TMEM256: variants seen among roughly 807,000 people sequenced by gnomAD.
TMEM256 encodes the protein transmembrane protein 256, also known as UPF0451 protein C17orf61.
A neutral mutation model predicts 14.8 loss-of-function variants in TMEM256; 14 were observed. The ratio of observed to expected loss-of-function variants is 0.95; its 90% CI spans 0.63 to 1.48. TMEM256 has a LOEUF of 1.48. Among genes scored for constraint, TMEM256 ranks in the 40% most tolerant of loss-of-function variants. The probability of loss-of-function intolerance (pLI) is 0.00; values close to 1 mark genes in which losing one functional copy is unlikely to be tolerated. For synonymous variants in TMEM256, 68 were observed against 60.7 expected (o/e 1.12, Z -0.56); for missense variants, 146 against 137.9 (o/e 1.06, Z -0.30).
In TMEM256 at chr17:7,403,201, T is replaced by C; in HGVS notation, c.207A>G (p.Leu69=). ...ATAAGGTCGTTCCGGAAGCTAGCAA[T>C]AACCCAGCCTGAAGGAGACACAGCA... is the stretch of plus-strand genomic sequence containing the variant. The part of the protein sequence containing the change: ...PHCRKPLWAG[L]LLASGTTLFC... The change falls in exon 4 of 4, where the codon TTA becomes TTG. Residue 69 remains leucine, a synonymous_variant. Transcript: ENST00000302422. 6.2e-7 allele frequency: 1 copy of C among 1,614,084 alleles called. No homozygotes were observed. Among genetic ancestry groups the C allele is most frequent in the Non-Finnish European group, 8.5e-7 (1 of 1,180,020 alleles).
Position 7,403,977 on chromosome 17 carries a change from A to G in TMEM256, c.85+23T>C, listed in dbSNP as rs764423885. 4.5e-6 allele frequency: 7 copies of G among 1,558,328 alleles called. No homozygotes were observed. In the Admixed American group the frequency reaches 1.3e-4, roughly 29 times the overall value. On this transcript the variant is annotated intron_variant, in intron 1 of 3. Coordinates refer to ENST00000302422, the MANE Select transcript of TMEM256 (RefSeq NM_152766.5). ...CAGAGGACGCCCCAAGTACAGTCCC[A>G]TCTTCGTCCCCAGCCCCCTGACCGT...
chr17:7,403,849 A>G (rs1016336822), intron 1 of TMEM256, 151 bp downstream of exon 1: 7 of 1,146,032 alleles, frequency 6.1e-6, no homozygotes, highest in South Asian at 1.5e-5. Flanking sequence ...CTGGGAACCA[A>G]TTGGACCCAG....
chr17:7,404,014 G>A lies in TMEM256; in HGVS notation c.71C>T (p.Ser24Phe), dbSNP rs1379030464. The A allele has an allele frequency of 1.3e-6, 2 of 1,599,848 alleles. No individual in the cohort carries two copies. The highest frequency in any genetic ancestry group is 8.5e-7 in the Non-Finnish European group (1 of 1,173,166). ...LSGAAALGFA[S>F]YGAHGAQFPD... ...AGCCCCCTGACCGTGCGCCCCGTAG[G>A]AAGCGAAGCCTAAGGCCGCAGCTCC... The change falls in exon 1 of 4, where the codon TCC becomes TTC. Residue 24 changes from serine to phenylalanine, a missense_variant. Coordinates refer to ENST00000302422, the MANE Select transcript of TMEM256 (RefSeq NM_152766.5).
In TMEM256 at chr17:7,403,864, G is replaced by A. The variant is rs914180580; in HGVS notation, c.85+136C>T. 2.0e-5 allele frequency: 26 copies of A among 1,304,306 alleles called. No individual in the cohort carries two copies. In the African/African-American group the frequency reaches 2.4e-4, roughly 12 times the overall value. 80.8% of individuals were successfully genotyped at this position (1,304,306 alleles called of 1,614,324 possible). Reference sequence around the variant, plus strand: ...CTGGGAACCAATTGGACCCAGCTGGGGGACTTTAAAAGGTTTAGGGCTCCG... The same window carrying A: ...CTGGGAACCAATTGGACCCAGCTGGAGGACTTTAAAAGGTTTAGGGCTCCG... On this transcript the variant is annotated intron_variant, in intron 1 of 3. Transcript: ENST00000302422.
chr17:7,403,204 C>T lies in TMEM256; in HGVS notation c.204G>A (p.Gly68=), dbSNP rs193299505. The stretch of plus-strand genomic sequence containing the variant: ...AGGTCGTTCCGGAAGCTAGCAATAA[C>T]CCAGCCTGAAGGAGACACAGCACAG... ...VPHCRKPLWA[G]LLLASGTTLF... The change falls in exon 4 of 4, where the codon GGG becomes GGA. Residue 68 remains glycine, a synonymous_variant. Coordinates refer to ENST00000302422, the MANE Select transcript of TMEM256 (RefSeq NM_152766.5). 2 of 1,614,024 alleles carry T rather than the reference C, an allele frequency of 1.2e-6. No individual in the cohort carries two copies. Among genetic ancestry groups the T allele is most frequent in the African/African-American group, 2.7e-5 (2 of 74,910 alleles).
rs1555547299 is a variant in TMEM256, at chr17:7,403,791, C to CCT, written c.86-103_86-102insAG. The CCT allele has an allele frequency of 3.9e-4, 403 of 1,045,728 alleles. 7 individuals carry two copies. Among genetic ancestry groups the CCT allele is most frequent in the Non-Finnish European group, 5.2e-4 (391 of 756,468 alleles). The allele number at this position is 1,045,728 out of a possible 1,614,324, so 64.8% of individuals were successfully genotyped here. ...ACATTGGCGAGAAAGGGCACCCCCC[C>CCT]CCCCGCCCCAGGAAGCTTCCGATTG... On this transcript the variant is annotated intron_variant, in intron 1 of 3. Transcript: ENST00000302422.
chr17:7,403,076 A>T lies in TMEM256; in HGVS notation c.332T>A (p.Leu111Ter). ...GTLLLLGWLA[L>*]AL ...TAAGCAAAAGGGAGCTCAAAGAGCCAAGGCAAGCCAGCCCAAGAGTAGCAG... is the reference window on the plus strand; with the variant it reads ...TAAGCAAAAGGGAGCTCAAAGAGCCTAGGCAAGCCAGCCCAAGAGTAGCAG... The change falls in exon 4 of 4, where the codon TTG becomes TAG. Residue 111 changes from leucine (L) to a stop codon, truncating the protein, a stop_gained. Coordinates refer to ENST00000302422, the MANE Select transcript of TMEM256 (RefSeq NM_152766.5). LOFTEE classifies it high-confidence loss of function. The T allele has an allele frequency of 6.2e-7, 1 of 1,606,968 alleles. No homozygotes were observed. The highest frequency in any genetic ancestry group is 1.7e-4 in the Middle Eastern group (1 of 5,768).
chr17:7,403,733 C>T, intron 1 of TMEM256, 44 bp from the exon 2 acceptor site: 3 of 1,611,034 alleles, frequency 1.9e-6, no homozygotes, highest in African/African-American at 1.3e-5. Flanking sequence ...AGTGCCAGCC[C>T]TGACCGCCCC....
At position 7,403,071 on chromosome 17, in the gene TMEM256, G is replaced by T; in HGVS notation, c.337C>A (p.Leu113Ile). Residue 113 changes from leucine (L) to isoleucine (I), a missense_variant, in exon 4 of 4, where the codon CTT becomes ATT. By Grantham distance (5) the Leu-to-Ile change is conservative (BLOSUM62 2). Coordinates refer to ENST00000302422, the MANE Select transcript of TMEM256 (RefSeq NM_152766.5). ...LLLLGWLALAL is the reference protein window; with the variant it reads ...LLLLGWLALAI ...GTAATTAAGCAAAAGGGAGCTCAAA[G>T]AGCCAAGGCAAGCCAGCCCAAGAGT... The T allele has an allele frequency of 6.2e-7, 1 of 1,603,860 alleles. No homozygotes were observed. Among genetic ancestry groups the T allele is most frequent in the Non-Finnish European group, 8.5e-7 (1 of 1,176,912 alleles).
At position 7,403,667 on chromosome 17, in the gene TMEM256, G is replaced by C. The variant is rs542353378; in HGVS notation, c.108C>G (p.Tyr36Ter). 1.6e-5 allele frequency: 25 copies of C among 1,610,042 alleles called. No homozygotes were observed. Among genetic ancestry groups the C allele is most frequent in the Non-Finnish European group, 2.0e-5 (24 of 1,178,108 alleles). The part of the protein sequence containing the change: ...GAHGAQFPDA[Y>*]GKELFDKANK... ...AGCGCAGTTACTTCACCTCCTTCCC[G>C]TAGGCATCTGGGAATTGGGCGCCTG... The change falls in exon 2 of 4, where the codon TAC (tyrosine) becomes TAG (stop). Residue 36 changes from tyrosine (Y) to a stop codon, truncating the protein, a stop_gained. Coordinates refer to ENST00000302422, the MANE Select transcript of TMEM256 (RefSeq NM_152766.5). LOFTEE classifies it high-confidence loss of function.
At position 7,404,037 on chromosome 17, in the gene TMEM256, T is replaced by C. The variant is rs1017652555; in HGVS notation, c.48A>G (p.Gly16=). 1.1e-5 allele frequency: 17 copies of C among 1,602,188 alleles called. No homozygotes were observed. In the African/African-American group the frequency reaches 1.7e-4, roughly 16 times the overall value. ...AGGAAGCGAAGCCTAAGGCCGCAGC[T>C]CCGGACAAGGCGCCCAAGCGGCGGA... is the stretch of plus-strand genomic sequence containing the variant. ...AAFRRLGALS[G]AAALGFASYG... Residue 16 remains glycine, a synonymous_variant, in exon 1 of 4, where the codon GGA becomes GGG. Transcript: ENST00000302422.
intron 2 of TMEM256, 60 bp downstream of exon 2, chr17:7,403,598 C>A: frequency 6.2e-7 from 1 of 1,605,874 alleles, no homozygotes; most frequent in Non-Finnish European, 8.5e-7. Flanking sequence ...CCCCCAGGGA[C>A]CCCAGACTTT....
In TMEM256 at chr17:7,404,004, C is replaced by T. The variant is rs1184336769; in HGVS notation, c.81G>A (p.Ala27=). 1 of 1,591,924 alleles carries T rather than the reference C, an allele frequency of 6.3e-7. No homozygotes were observed. Among genetic ancestry groups the T allele is most frequent in the Non-Finnish European group, 8.6e-7 (1 of 1,168,802 alleles). ...CTTCGTCCCCAGCCCCCTGACCGTG[C>T]GCCCCGTAGGAAGCGAAGCCTAAGG... The part of the protein sequence containing the change: ...AAALGFASYG[A]HGAQFPDAYG... Residue 27 remains alanine (A), a synonymous_variant, in exon 1 of 4, where the codon GCG becomes GCA. Coordinates refer to ENST00000302422, the MANE Select transcript of TMEM256 (RefSeq NM_152766.5).
At position 7,403,682 on chromosome 17, in the gene TMEM256, T is replaced by C. The variant is rs147711069; in HGVS notation, c.93A>G (p.Gln31=). Residue 31 remains glutamine, a synonymous_variant, in exon 2 of 4, where the codon CAA becomes CAG. Coordinates refer to ENST00000302422, the MANE Select transcript of TMEM256 (RefSeq NM_152766.5). ...CCTCCTTCCCGTAGGCATCTGGGAA[T>C]TGGGCGCCTGTGGAGAAAAGAAGCA... ...GFASYGAHGA[Q]FPDAYGKELF... The C allele has an allele frequency of 5.8e-4, 929 of 1,612,432 alleles. No individual in the cohort carries two copies. The highest frequency in any genetic ancestry group is 7.3e-4 in the Non-Finnish European group (859 of 1,179,634).
At chr17:7,403,421 G>C (rs768578585) in intron 2 of TMEM256, 31 bp from the exon 3 acceptor site, 1 of 1,601,118 alleles carries the variant, frequency 6.2e-7, no homozygotes, top group Non-Finnish European at 8.6e-7. Context: ...AAGGGATGTC[G>C]TAGGCAATAC....
At chr17:7,403,605 C>T (rs1267313699) in intron 2 of TMEM256, 53 bp downstream of exon 2, 2 of 1,608,298 alleles carry the variant, frequency 1.2e-6, no homozygotes, top group South Asian at 1.1e-5. Context: ...GGACCCCAGA[C>T]TTTGTGCCTT....
At chr17:7,403,754 G>A (rs1316817605) in intron 1 of TMEM256, 65 bp from the exon 2 acceptor site, 5 of 1,562,276 alleles carry the variant, frequency 3.2e-6, no homozygotes, top group Non-Finnish European at 4.4e-6. Context: ...CAATCCGGGG[G>A]GACCCAGGTG....
At chr17:7,403,944 G>A in intron 1 of TMEM256, 56 bp downstream of exon 1, 4 of 1,495,760 alleles carry the variant, frequency 2.7e-6, no homozygotes, top group Non-Finnish European at 3.6e-6. Flanking sequence ...CGCCCTTGCA[G>A]CAGACCCCAG....
Position 7,404,091 on chromosome 17 carries a change from A to G in TMEM256, c.-7T>C. ...CTGCAGCTGGCCCGGCCATAGCTGTAGAACAGGACGCACCGGACCAACGCC... is the reference window on the plus strand; with the variant it reads ...CTGCAGCTGGCCCGGCCATAGCTGTGGAACAGGACGCACCGGACCAACGCC... On this transcript the variant is annotated 5_prime_UTR_variant, in exon 1 of 4. Transcript: ENST00000302422. 1 of 1,569,390 alleles carries G rather than the reference A, an allele frequency of 6.4e-7. No homozygotes were observed. Among genetic ancestry groups the G allele is most frequent in the Non-Finnish European group, 8.7e-7 (1 of 1,154,764 alleles).
Sources: allele counts gnomAD v4.1 joint callset, GRCh38; gene constraint gnomAD v4.1.1; transcripts MANE v1.5; gene names NCBI Gene and HGNC (gene_info 2026-07-23, HGNC 2026-07-21).